The following WBP2NL variants were observed in gnomAD, a reference collection of about 807,000 sequenced individuals.
The protein encoded by WBP2NL is postacrosomal sheath WW domain-binding protein.
A neutral mutation model predicts 23.3 loss-of-function variants in WBP2NL; 27 were observed. That is an observed-to-expected ratio of 1.16 (90% confidence interval 0.85 to 1.60). WBP2NL has a LOEUF of 1.60. WBP2NL is among the 40% of genes most tolerant of loss of function. The pLI is 0.00. For synonymous variants in WBP2NL, 151 were observed against 145.9 expected (o/e 1.03, Z -0.25); for missense variants, 370 against 389.5 (o/e 0.95, Z 0.42).
At chr22:42,056,820 A>G (rs1461762534) in intron 8 of WBP2NL, among the ~76,000 whole-genome samples, 2 of 152,104 alleles carry the variant, frequency 1.3e-5, no homozygotes, top group Non-Finnish European at 2.9e-5. Context: ...TGGGGTATCT[A>G]GTGCCTCAAG....
At chr22:42,039,971 G>C (rs1043864987) in intron 8 of WBP2NL, among the ~76,000 whole-genome samples, 4 of 151,168 alleles carry the variant, frequency 2.6e-5, no homozygotes, top group Admixed American at 2.6e-4. Flanking sequence ...GAGTGCAGTG[G>C]CTCAACCTCA....
downstream of WBP2NL, among the ~76,000 whole-genome samples, chr22:42,033,297 T>C (rs1925059813): frequency 6.6e-6 from 1 of 152,152 alleles, no homozygotes; most frequent in Non-Finnish European, 1.5e-5. Context: ...GCCCAGAAGC[T>C]TGGAGATGCC....
chr22:42,032,679 C>T (rs1185734499), downstream of WBP2NL: 1 of 455,770 alleles, frequency 2.2e-6, no homozygotes. Context: ...TTCTTCCTGG[C>T]CTTTGCCTTG....
At chr22:42,022,405 G>A (rs746650876) in intron 5 of WBP2NL, 49 bp downstream of exon 5, 12 of 1,496,162 alleles carry the variant, frequency 8.0e-6, no homozygotes, top group Admixed American at 3.8e-5. Flanking sequence ...AATTATGCCA[G>A]AGGCTCAAAG....
intron 8 of WBP2NL, among the ~76,000 whole-genome samples, chr22:42,055,765 A>G (rs1248538976): frequency 6.6e-6 from 1 of 151,716 alleles, no homozygotes; most frequent in Non-Finnish European, 1.5e-5. Context: ...TGGTGGATTG[A>G]TCTTCTCAAT....
chr22:41,999,401 T>C (rs1025947204), intron 1 of WBP2NL, among the ~76,000 whole-genome samples: 3 of 152,154 alleles, frequency 2.0e-5, no homozygotes, highest in Non-Finnish European at 4.4e-5. Flanking sequence ...CAAACTGTTG[T>C]GGGGCTTCTC....
At chr22:42,020,582 A>T (rs1040706782) in intron 4 of WBP2NL, among the ~76,000 whole-genome samples, 2 of 152,028 alleles carry the variant, frequency 1.3e-5, no homozygotes, top group Non-Finnish European at 2.9e-5. Context: ...GTGACTAATT[A>T]TACCTGATAG....
chr22:42,026,053 T>C (rs958814602), intron 5 of WBP2NL, among the ~76,000 whole-genome samples: 2 of 151,916 alleles, frequency 1.3e-5, no homozygotes, highest in Non-Finnish European at 2.9e-5. Context: ...GGGTGGATCA[T>C]GAGGTCAGGA....
At chr22:42,011,122 G>A (rs771141985) in intron 1 of WBP2NL, among the ~76,000 whole-genome samples, 11 of 152,156 alleles carry the variant, frequency 7.2e-5, no homozygotes, top group East Asian at 1.9e-4. Flanking sequence ...GTCTGGCTTC[G>A]GTATCAGGGT....
intron 8 of WBP2NL, among the ~76,000 whole-genome samples, chr22:42,057,892 TATATATATA>T (rs1253995161): frequency 5.9e-4 from 16 of 27,240 alleles, no homozygotes; most frequent in African/African-American, 1.1e-3. Flanking sequence ...TATATATATA[TATATATATA>T]TTTTTTTTTT....
chr22:42,035,088 G>A (rs1335783515), downstream of WBP2NL, among the ~76,000 whole-genome samples: 1 of 152,264 alleles, frequency 6.6e-6, no homozygotes, highest in African/African-American at 2.4e-5. Flanking sequence ...CTGGGGAAGT[G>A]ATAAGTGTCC....
In WBP2NL at chr22:42,015,559, C is replaced by A. The variant is rs138531563; in HGVS notation, c.63-3752C>A. ...CTGGGATTATAGGCGCCCACCACTA[C>A]GCCCAGCTAATTTTTGTATTTTTAA... On this transcript the variant is annotated intron_variant, in intron 1 of 5. Transcript: ENST00000328823. 2.2e-4 allele frequency among the ~76,000 whole-genome samples: 33 copies of A among 152,036 alleles called. No homozygotes were observed. In the Middle Eastern group the frequency reaches 0.017, roughly 78 times the overall value.
intron 1 of WBP2NL, among the ~76,000 whole-genome samples, chr22:42,007,304 C>T (rs976595127): frequency 4.6e-5 from 7 of 152,080 alleles, no homozygotes; most frequent in Non-Finnish European, 1.0e-4. Context: ...TTTTGCCTAC[C>T]TGTCAAAATG....
At chr22:42,018,605 A>G (rs1923570097) in intron 1 of WBP2NL, among the ~76,000 whole-genome samples, 1 of 152,194 alleles carries the variant, frequency 6.6e-6, no homozygotes, top group South Asian at 2.1e-4. Flanking sequence ...AGAGAGCACG[A>G]CAGGCTGAGG....
intron 1 of WBP2NL, among the ~76,000 whole-genome samples, chr22:42,004,343 C>G (rs565096532): frequency 2.0e-5 from 3 of 152,148 alleles, no homozygotes; most frequent in Admixed American, 2.0e-4. Context: ...CCTGTAATCC[C>G]AGAACTTTGG....
At chr22:42,019,238 GC>G in intron 1 of WBP2NL, 72 bp from the exon 2 acceptor site, 2 of 1,355,796 alleles carry the variant, frequency 1.5e-6, no homozygotes, top group Non-Finnish European at 2.0e-6. Flanking sequence ...AAAAAAAATT[GC>G]GTTAAGAACT....
intron 8 of WBP2NL, among the ~76,000 whole-genome samples, chr22:42,051,358 G>A (rs1238245212): frequency 6.6e-6 from 1 of 152,108 alleles, no homozygotes; most frequent in African/African-American, 2.4e-5. Context: ...AAGGGAGGGA[G>A]GGATGAACCA....
Position 42,049,696 on chromosome 22 carries a change from AAAAC to A in WBP2NL, c.*274-8590_*274-8587del, listed in dbSNP as rs1332468815. On this transcript the variant is annotated intron_variant and NMD_transcript_variant, in intron 8 of 8. Coordinates refer to the WBP2NL transcript ENST00000436265. ...CAGAGCGAGACTCCGTCTCCAAAAC[AAAAC>A]AAAACAAAAAAAAAAAAAAAAAAAA... 1.6e-3 allele frequency among the ~76,000 whole-genome samples: 117 copies of A among 73,150 alleles called. 6 individuals are homozygous for A. The highest frequency in any genetic ancestry group is 0.011 in the African/African-American group (111 of 9,780). The allele number at this position is 73,150 out of a possible 152,430, so 48.0% of individuals were successfully genotyped here. A position where few individuals can be genotyped will look rare whatever the true frequency, so the allele number is the denominator to read the frequency against.
At chr22:42,017,418 A>G (rs926523209) in intron 1 of WBP2NL, among the ~76,000 whole-genome samples, 1 of 152,048 alleles carries the variant, frequency 6.6e-6, no homozygotes, top group African/African-American at 2.4e-5. Context: ...CCAGAATACT[A>G]CCCATCTCTT....
Sources: allele counts gnomAD v4.1 joint callset (sites outside exome capture counted in the v4.1 genomes callset), GRCh38; gene constraint gnomAD v4.1.1; transcripts MANE v1.5; gene names NCBI Gene and HGNC (gene_info 2026-07-23, HGNC 2026-07-21).